The following ABCB5 variants were observed in gnomAD, a reference collection of about 807,000 sequenced individuals.
ABCB5 encodes ATP-binding cassette sub-family B member 5.
In ABCB5, 155 loss-of-function variants were observed where a neutral mutation model predicts 144.2. That is an observed-to-expected ratio of 1.08 (90% CI 0.94 to 1.23). ABCB5 has a LOEUF of 1.23. Among genes scored for constraint, ABCB5 ranks in the 50% most tolerant of loss-of-function variants. The pLI is 0.00. For missense variants in ABCB5, 1,830 were observed against 1,520.8 expected (o/e 1.20, Z -3.38); for synonymous variants, 610 against 528.6 (o/e 1.15, Z -2.11).
chr7:20,742,593 C>T (rs981655237), intron 24 of ABCB5, among the ~76,000 whole-genome samples: 2 of 152,076 alleles, frequency 1.3e-5, no homozygotes, highest in African/African-American at 2.4e-5. Context: ...CAACCAACTG[C>T]GGAATGGAAC....
At chr7:20,722,875 C>A in intron 20 of ABCB5, 141 bp from the exon 21 acceptor site, 1 of 616,140 alleles carries the variant, frequency 1.6e-6, no homozygotes, top group Non-Finnish European at 2.7e-6. Context: ...TATTTAATCT[C>A]AAAGTATAAA....
At chr7:20,751,384 T>C (rs1028022677) in intron 26 of ABCB5, among the ~76,000 whole-genome samples, 1 of 152,054 alleles carries the variant, frequency 6.6e-6, no homozygotes, top group Non-Finnish European at 1.5e-5. Context: ...GGCAGGAGAA[T>C]GGCGTGAACC....
intron 14 of ABCB5, among the ~76,000 whole-genome samples, chr7:20,670,135 G>A (rs1169728093): frequency 1.3e-5 from 2 of 152,208 alleles, no homozygotes; most frequent in Admixed American, 1.3e-4. Flanking sequence ...AGGAGCCTAA[G>A]GCGACATGAT....
chr7:20,693,682 A>T (rs575946303), intron 16 of ABCB5, among the ~76,000 whole-genome samples: 23 of 152,182 alleles, frequency 1.5e-4, no homozygotes, highest in African/African-American at 5.1e-4. Flanking sequence ...CCACCTTAAG[A>T]TACCAGAAGG....
intron 20 of ABCB5, among the ~76,000 whole-genome samples, chr7:20,717,504 G>C (rs925865196): frequency 1.4e-4 from 21 of 149,082 alleles, no homozygotes; most frequent in African/African-American, 5.0e-4. Context: ...CTGCAGTGGC[G>C]TTATGTTGGC....
intron 13 of ABCB5, among the ~76,000 whole-genome samples, chr7:20,657,357 G>C (rs1784844010): frequency 6.6e-6 from 1 of 152,188 alleles, no homozygotes; most frequent in South Asian, 2.1e-4. Flanking sequence ...AAATGTAACA[G>C]CTTTGTGTTT....
At chr7:20,746,851 G>A (rs935952921) in intron 26 of ABCB5, among the ~76,000 whole-genome samples, 1 of 152,186 alleles carries the variant, frequency 6.6e-6, no homozygotes, top group African/African-American at 2.4e-5. Context: ...ATTTCTACAT[G>A]TGATTTTTAT....
Position 20,712,158 on chromosome 7 carries a change from CAAA to C in ABCB5, c.2421+7373_2421+7375del, listed in dbSNP as rs34938819. ...CCTGGGTGACACAGCAAGACGCCGTCAAAAAAAAAAAAAAAAAAAAAAAAGATA... is the reference window on the plus strand; with the variant it reads ...CCTGGGTGACACAGCAAGACGCCGTCAAAAAAAAAAAAAAAAAAAAAGATA... On this transcript the variant is annotated intron_variant, in intron 20 of 27. Transcript: ENST00000404938. Among the ~76,000 whole-genome samples the C allele has an allele frequency of 8.3e-3, 438 of 52,624 alleles. 11 individuals carry two copies. The highest frequency in any genetic ancestry group is 0.034 in the African/African-American group (417 of 12,208). 34.5% of individuals were successfully genotyped at this position (52,624 alleles called of 152,430 possible). A position where few individuals can be genotyped will look rare whatever the true frequency, so the allele number is the denominator to read the frequency against.
chr7:20,656,699 A>T (rs1368732442), intron 13 of ABCB5, among the ~76,000 whole-genome samples: 1 of 152,076 alleles, frequency 6.6e-6, no homozygotes, highest in African/African-American at 2.4e-5. Flanking sequence ...GCAATTTGGC[A>T]GTTTATTATA....
At chr7:20,668,658 G>A (rs1346069910) in intron 14 of ABCB5, among the ~76,000 whole-genome samples, 2 of 144,284 alleles carry the variant, frequency 1.4e-5, no homozygotes, top group Non-Finnish European at 3.0e-5. Flanking sequence ...CCTCTGCCCG[G>A]CCGCCCCTAC....
chr7:20,690,759 T>C (rs986321702), intron 16 of ABCB5, among the ~76,000 whole-genome samples: 2 of 152,078 alleles, frequency 1.3e-5, no homozygotes, highest in African/African-American at 4.8e-5. Context: ...ACCATTTAGA[T>C]TCGGATAGAA....
intron 5 of ABCB5, among the ~76,000 whole-genome samples, chr7:20,636,278 G>C (rs1784153357): frequency 6.6e-6 from 1 of 152,048 alleles, no homozygotes; most frequent in South Asian, 2.1e-4. Flanking sequence ...CTGATGTACA[G>C]TCACGAAGGA....
In ABCB5 at chr7:20,624,872, CCTTTGCCAAAGGACA is replaced by C. The variant is rs549583895; in HGVS notation, c.53+1538_53+1552del. On this transcript the variant is annotated intron_variant, in intron 2 of 27. Coordinates refer to ENST00000404938, the MANE Select transcript of ABCB5 (RefSeq NM_001163941.2). Reference sequence around the variant, plus strand: ...TGGGCGCCTCAGGCTCCGCCCTTGGCCTTTGCCAAAGGACACTTGGCCCCAAGAGCTGTGTAGAGG... The same window carrying C: ...TGGGCGCCTCAGGCTCCGCCCTTGGCCTTGGCCCCAAGAGCTGTGTAGAGG... Among the ~76,000 whole-genome samples, 72 of 152,344 alleles carry C rather than the reference CCTTTGCCAAAGGACA, an allele frequency of 4.7e-4. 1 individual carries two copies. In the East Asian group the frequency reaches 0.013, roughly 28 times the overall value.
At chr7:20,626,533 G>A (rs1183680797) in intron 2 of ABCB5, 24 bp from the exon 3 acceptor site, 4 of 1,593,588 alleles carry the variant, frequency 2.5e-6, no homozygotes, top group Admixed American at 1.8e-5. Flanking sequence ...TGTAACTGCT[G>A]CATTTTGAAC....
intron 1 of ABCB5, among the ~76,000 whole-genome samples, chr7:20,619,377 A>T (rs1225567540): frequency 2.0e-5 from 3 of 152,060 alleles, no homozygotes; most frequent in African/African-American, 7.2e-5. Context: ...GATAATAGCC[A>T]TTCTGATTGG....
intron 5 of ABCB5, 43 bp downstream of exon 5, chr7:20,632,156 G>T: frequency 7.5e-7 from 1 of 1,332,692 alleles, no homozygotes; most frequent in Non-Finnish European, 1.0e-6. Flanking sequence ...GTTGAATGAT[G>T]CTTTATTTAA....
chr7:20,678,673 A>T lies in ABCB5; in HGVS notation c.1708-2832A>T, dbSNP rs377125131. ...ACACATTACCTCAAGAATAGTCCAC[A>T]AAATCTTTCAGAGGAAGAATAAGCT... On this transcript the variant is annotated intron_variant, in intron 14 of 27. Transcript: ENST00000404938. 7.9e-5 allele frequency among the ~76,000 whole-genome samples: 12 copies of T among 152,360 alleles called. No individual in the cohort carries two copies. In the South Asian group the frequency reaches 2.3e-3, roughly 29 times the overall value.
Position 20,685,735 on chromosome 7 carries a change from T to C in ABCB5, c.1909T>C (p.Tyr637His), listed in dbSNP as rs759775551. Residue 637 changes from tyrosine (Y) to histidine (H), a missense_variant, in exon 16 of 28, where the codon TAT (tyrosine) becomes CAT (histidine). Physicochemically the swap from Tyr to His is moderately conservative, Grantham distance 83. Transcript: ENST00000404938. Reference protein sequence around the residue: ...KADEQMESMTYSTERKTNSLP... With the variant: ...KADEQMESMTHSTERKTNSLP... The stretch of plus-strand genomic sequence containing the variant: ...TGATGAACAGATGGAGTCAATGACA[T>C]ATTCTACTGAAAGAAAGACCAACTC... The C allele has an allele frequency of 1.2e-6, 2 of 1,612,604 alleles. No homozygotes were observed. Among genetic ancestry groups the C allele is most frequent in the African/African-American group, 2.7e-5 (2 of 74,852 alleles).
In ABCB5 at chr7:20,753,508, T is replaced by C; in HGVS notation, c.3576+2T>C. 6.2e-7 allele frequency: 1 copy of C among 1,609,436 alleles called. No homozygotes were observed. Among genetic ancestry groups the C allele is most frequent in the Non-Finnish European group, 8.5e-7 (1 of 1,178,316 alleles). On this transcript the variant is annotated splice_donor_variant, in intron 27 of 27. Transcript: ENST00000404938. LOFTEE classifies it high-confidence loss of function. ...GCCCTCGATAATGACAGTGAGAAGG[T>C]AACATCATTTTCTTTTATCTCAGAA...
Sources: allele counts gnomAD v4.1 joint callset (sites outside exome capture counted in the v4.1 genomes callset), GRCh38; gene constraint gnomAD v4.1.1; transcripts MANE v1.5; gene names NCBI Gene and HGNC (gene_info 2026-07-23, HGNC 2026-07-21).